EPRS1: variants seen among roughly 807,000 people sequenced by gnomAD.
EPRS1 encodes the protein glutamyl-prolyl-tRNA synthetase 1.
EPRS1 carries 107 observed loss-of-function variants against 188.3 expected under a neutral mutation model. The observed-to-expected ratio is 0.57, with a 90% confidence interval of 0.49 to 0.67. EPRS1 has a LOEUF of 0.67. Ranked by LOEUF, EPRS1 falls within the 30% of genes least tolerant of loss-of-function variation. EPRS1 has a pLI of 0.00. For missense variants in EPRS1, 1,577 were observed against 1,802.2 expected (o/e 0.88, Z 2.26); for synonymous variants, 596 against 593.1 (o/e 1.00, Z -0.07).
chr1:220,005,312 CT>C lies in EPRS1; in HGVS notation c.1998del (p.Gly667GlufsTer33). The C allele has an allele frequency of 6.2e-7, 1 of 1,600,470 alleles. No homozygotes were observed. The highest frequency in any genetic ancestry group is 8.5e-7 in the Non-Finnish European group (1 of 1,173,460). On this transcript the variant is annotated frameshift_variant, in exon 16 of 32. Transcript: ENST00000366923. LOFTEE classifies it high-confidence loss of function. Reference protein sequence around the residue: ...LGDPCLKDLKKGDIIQLQRRG... With the variant: ...LGDPCLKDLKXGDIIQLQRRG... ...CTTCTCTGGAGTTGTATAATATCTC[CT>C]TTTTTCAAATCCTTAAGGCAGGGAT...
rs770977924 is a variant in EPRS1 at position 219,997,188 on chromosome 1, G to C, written c.2336C>G (p.Ala779Gly). Reference sequence around the variant, plus strand: ...CAAAGACAAAAGCTGTTTTACAGCTGCATCTACATCTTCCTTTGGTGCTTT... The same window carrying C: ...CAAAGACAAAAGCTGTTTTACAGCTCCATCTACATCTTCCTTTGGTGCTTT... ...AKKAPKEDVD[A>G]AVKQLLSLKA... is the part of the protein sequence containing the mutation. The change falls in exon 18 of 32, where the codon GCA (alanine) becomes GGA (glycine). Residue 779 changes from alanine to glycine, a missense_variant. Physicochemically the swap from Ala to Gly is moderately conservative, Grantham distance 60. Around this residue, in one of 3 missense-constraint regions of EPRS1, gnomAD observed 1,278 missense variants for 1,457.4 expected, o/e 0.88. Coordinates refer to ENST00000366923, the MANE Select transcript of EPRS1 (RefSeq NM_004446.3). The C allele has an allele frequency of 3.7e-6, 6 of 1,613,932 alleles. No individual in the cohort carries two copies. In the Admixed American group the frequency reaches 8.3e-5, roughly 22 times the overall value.
intron 5 of EPRS1, 71 bp downstream of exon 5, chr1:220,032,316 G>C (rs1662101369): frequency 4.8e-6 from 6 of 1,250,564 alleles, no homozygotes; most frequent in Non-Finnish European, 6.6e-6. Context: ...TCAATCTCCT[G>C]ACCTTGTGAT....
chr1:219,977,052 A>C (rs549452706), intron 28 of EPRS1, among the ~76,000 whole-genome samples: 2 of 152,266 alleles, frequency 1.3e-5, no homozygotes, highest in East Asian at 3.9e-4. Flanking sequence ...CTCATTTATT[A>C]ATCTGAATAA....
intron 9 of EPRS1, among the ~76,000 whole-genome samples, chr1:220,020,525 A>G (rs1768676): frequency 0.86 from 131,308 of 151,986 alleles, 57,148 homozygotes; most frequent in African/African-American, 0.97. Context: ...TGTATAACAT[A>G]GTAGGAAGCA....
At chr1:220,011,170 AT>A (rs1661598786) in intron 12 of EPRS1, 114 bp from the exon 13 acceptor site, 24 of 592,572 alleles carry the variant, frequency 4.1e-5, no homozygotes, top group Non-Finnish European at 5.1e-5. Context: ...GCATTTACTA[AT>A]TTTTTTTCAA....
Position 219,979,421 on chromosome 1 carries a change from A to G in EPRS1, c.3906T>C (p.Val1302=). ...TAAACAGGAATATTTTCCTTACCTG[A>G]ACACATGCTACACGGGGTGGTAATA... ...GLVLPPRVAC[V]QVVIIPCGIT... Residue 1302 remains valine (V), a synonymous_variant, in exon 27 of 32, where the codon GTT becomes GTC. Coordinates refer to ENST00000366923, the MANE Select transcript of EPRS1 (RefSeq NM_004446.3). 6.2e-7 allele frequency: 1 copy of G among 1,610,306 alleles called. No homozygotes were observed. Among genetic ancestry groups the G allele is most frequent in the Non-Finnish European group, 8.5e-7 (1 of 1,177,066 alleles).
chr1:220,005,711 G>T (rs1280113999), intron 15 of EPRS1, among the ~76,000 whole-genome samples: 2 of 151,898 alleles, frequency 1.3e-5, no homozygotes, highest in Non-Finnish European at 2.9e-5. Context: ...ACGAGGGTCA[G>T]ATTTGAATCC....
In EPRS1 at chr1:220,033,495, T is replaced by C. The variant is rs763272825; in HGVS notation, c.388+7A>G. The C allele has an allele frequency of 7.6e-6, 12 of 1,577,940 alleles. No homozygotes were observed. The highest frequency in any genetic ancestry group is 1.0e-5 in the Non-Finnish European group (12 of 1,164,522). The stretch of plus-strand genomic sequence containing the variant: ...TAAAACAGAGGATTATTAAGAATTA[T>C]TGATACCTTTTAGGGTGGCCCAAAC... On this transcript the variant is annotated splice_region_variant and intron_variant, in intron 4 of 31. Transcript: ENST00000366923.
Position 220,037,566 on chromosome 1 carries a change from A to G in EPRS1, c.132-2553T>C, listed in dbSNP as rs1215274641. Among the ~76,000 whole-genome samples, 4 of 152,072 alleles carry G rather than the reference A, an allele frequency of 2.6e-5. No homozygotes were observed. In the East Asian group the frequency reaches 7.7e-4, roughly 29 times the overall value. On this transcript the variant is annotated intron_variant, in intron 2 of 31. Transcript: ENST00000366923. ...TGGAGGTGACAACTTAGAAAAATAA[A>G]GGACTAATCCCAACATCCACATAAA...
intron 30 of EPRS1, chr1:219,969,387 C>A: frequency 2.5e-6 from 1 of 400,176 alleles, no homozygotes. Context: ...TCAAATCTCC[C>A]ATAAACTGGC....
intron 14 of EPRS1, 88 bp from the exon 15 acceptor site, chr1:220,006,401 T>C (rs1042775425): frequency 5.3e-6 from 2 of 374,692 alleles, no homozygotes; most frequent in Non-Finnish European, 8.8e-6. Flanking sequence ...TTTATATTAT[T>C]ATAAAATAAT....
rs1234812079 is a variant in EPRS1, at chr1:219,997,390, GT to G, written c.2182-49del. 8 of 1,437,084 alleles carry G rather than the reference GT, an allele frequency of 5.6e-6. No individual in the cohort carries two copies. The African/African-American group carries it at 7.2e-5, about 13-fold the overall frequency. The allele number at this position is 1,437,084 out of a possible 1,614,324, so 89.0% of individuals were successfully genotyped here. On this transcript the variant is annotated intron_variant, in intron 17 of 31. Coordinates refer to ENST00000366923, the MANE Select transcript of EPRS1 (RefSeq NM_004446.3). The stretch of plus-strand genomic sequence containing the variant: ...GTAAAATAATTAATTCATATTAAAT[GT>G]TTTCCCACAAAATTATTTCAAACTG...
intron 12 of EPRS1, among the ~76,000 whole-genome samples, chr1:220,015,655 C>A (rs1168502601): frequency 6.6e-6 from 1 of 152,072 alleles, no homozygotes; most frequent in African/African-American, 2.4e-5. Context: ...CATGGCCTAT[C>A]ATCATGAAAT....
At position 220,006,304 on chromosome 1, in the gene EPRS1, A is replaced by G. The variant is rs1170184404; in HGVS notation, c.1752T>C (p.Asp584=). ...LNITKIHKNA[D]GKIISLDAKL... ...TTGCATCAAGAGATATGATTTTTCC[A>G]TCTGCATTTCTAGATATAAGATTAA... is the stretch of plus-strand genomic sequence containing the variant. The change falls in exon 15 of 32, where the codon GAT becomes GAC. Residue 584 remains aspartate, a synonymous_variant. Transcript: ENST00000366923. 2 of 1,543,638 alleles carry G rather than the reference A, an allele frequency of 1.3e-6. No homozygotes were observed. Among genetic ancestry groups the G allele is most frequent in the Non-Finnish European group, 1.8e-6 (2 of 1,135,994 alleles).
intron 1 of EPRS1, among the ~76,000 whole-genome samples, chr1:220,043,914 G>A (rs1288383256): frequency 1.3e-5 from 2 of 152,158 alleles, no homozygotes; most frequent in Non-Finnish European, 2.9e-5. Flanking sequence ...GGGTCTGGTT[G>A]TAACAAATAA....
intron 18 of EPRS1, among the ~76,000 whole-genome samples, chr1:219,992,281 A>T (rs1397859994): frequency 6.6e-6 from 1 of 152,232 alleles, no homozygotes; most frequent in Non-Finnish European, 1.5e-5. Context: ...ATAAAATACA[A>T]GGTGCCGTGA....
At chr1:220,013,011 A>G (rs1410879970) in intron 12 of EPRS1, among the ~76,000 whole-genome samples, 1 of 152,246 alleles carries the variant, frequency 6.6e-6, no homozygotes, top group Non-Finnish European at 1.5e-5. Flanking sequence ...CAAGGGGTTG[A>G]GATGAGAGTT....
intron 20 of EPRS1, among the ~76,000 whole-genome samples, chr1:219,985,981 T>TA (rs1660999125): frequency 6.6e-6 from 1 of 152,144 alleles, no homozygotes; most frequent in Non-Finnish European, 1.5e-5. Flanking sequence ...ACTAAGAAAG[T>TA]AAAAGGTGAG....
At position 219,983,397 on chromosome 1, in the gene EPRS1, A is replaced by C. The variant is rs766309153; in HGVS notation, c.3092T>G (p.Val1031Gly). ...TTCAATCATTTCTGACTTTGTGATGACCTTTTTAAAAGAAAAATAGTCTTT... is the reference window on the plus strand; with the variant it reads ...TTCAATCATTTCTGACTTTGTGATGCCCTTTTTAAAAGAAAAATAGTCTTT... ...EENLADWYSQ[V>G]ITKSEMIEYH... Residue 1031 changes from valine to glycine, a missense_variant and splice_region_variant, in exon 22 of 32, where the codon GTC (valine) becomes GGC (glycine). Transcript: ENST00000366923. The C allele has an allele frequency of 6.2e-7, 1 of 1,606,098 alleles. No individual in the cohort carries two copies. Among genetic ancestry groups the C allele is most frequent in the Non-Finnish European group, 8.5e-7 (1 of 1,175,910 alleles).
Sources: allele counts gnomAD v4.1 joint callset (sites outside exome capture counted in the v4.1 genomes callset), GRCh38; gene constraint gnomAD v4.1.1; regional missense constraint gnomAD v4.1.1; transcripts MANE v1.5; gene names NCBI Gene and HGNC (gene_info 2026-07-23, HGNC 2026-07-21).